GPC5: variants seen among roughly 807,000 people sequenced by gnomAD.
GPC5 encodes glypican 5, also known as glypican-5.
Under a neutral mutation model 53.9 loss-of-function variants are expected in GPC5, and 47 were observed. The ratio of observed to expected loss-of-function variants is 0.87; its 90% CI spans 0.69 to 1.11. The LOEUF (loss-of-function observed/expected upper bound fraction) is 1.11. Ranked by LOEUF, GPC5 falls within the 50% of genes most tolerant of loss-of-function variation. GPC5 has a pLI of 0.00. For synonymous variants in GPC5, 286 were observed against 263.3 expected (o/e 1.09, Z -0.84); for missense variants, 748 against 713.1 (o/e 1.05, Z -0.56).
chr13:91,879,273 A>G, intron 5 of GPC5, among the ~76,000 whole-genome samples: 1 of 152,160 alleles, frequency 6.6e-6, no homozygotes, highest in South Asian at 2.1e-4. Flanking sequence ...CTAAATAGTA[A>G]AAGTGTGCAT....
intron 6 of GPC5, among the ~76,000 whole-genome samples, chr13:92,133,582 C>T (rs1163970996): frequency 6.6e-6 from 1 of 152,062 alleles, no homozygotes; most frequent in East Asian, 1.9e-4. Flanking sequence ...TAAAAGGAGC[C>T]CTTACTTTGG....
chr13:91,694,756 G>T (rs980455140), intron 3 of GPC5, among the ~76,000 whole-genome samples: 2 of 152,120 alleles, frequency 1.3e-5, no homozygotes, highest in Non-Finnish European at 2.9e-5. Context: ...AAATTAACAA[G>T]CATTCTCATA....
intron 7 of GPC5, among the ~76,000 whole-genome samples, chr13:92,795,394 T>C (rs1266274335): frequency 2.0e-5 from 3 of 152,144 alleles, no homozygotes; most frequent in African/African-American, 7.2e-5. Context: ...CAAGATGGAT[T>C]AAAGACTTAA....
At position 92,119,567 on chromosome 13, in the gene GPC5, A is replaced by ATTT. The variant is rs59391576; in HGVS notation, c.1402-25239_1402-25237dup. Among the ~76,000 whole-genome samples, 59 of 70,622 alleles carry ATTT rather than the reference A, an allele frequency of 8.4e-4. 6 individuals carry two copies. The highest frequency in any genetic ancestry group is 0.029 in the Middle Eastern group (2 of 68). 46.3% of individuals were successfully genotyped at this position (70,622 alleles called of 152,430 possible). On this transcript the variant is annotated intron_variant, in intron 6 of 7. Coordinates refer to ENST00000377067, the MANE Select transcript of GPC5 (RefSeq NM_004466.6). ...AGGCGCCCGCCACCTCGCCTGGCTA[A>ATTT]TTTTTTTTTTTTTTTTTTTTTTTTT...
chr13:92,573,854 C>T (rs900350018), intron 7 of GPC5, among the ~76,000 whole-genome samples: 5 of 152,152 alleles, frequency 3.3e-5, no homozygotes, highest in Non-Finnish European at 7.3e-5. Flanking sequence ...TTCATACCTG[C>T]CCAGTTGCAG....
At position 92,867,093 on chromosome 13, in the gene GPC5, G is replaced by C. The variant is rs909404574; in HGVS notation, c.*654G>C. 6 of 151,960 alleles carry C rather than the reference G, an allele frequency of 3.9e-5. No homozygotes were observed. Among genetic ancestry groups the C allele is most frequent in the African/African-American group, 1.4e-4 (6 of 41,384 alleles). 9.4% of individuals were successfully genotyped at this position (151,960 alleles called of 1,614,324 possible). A position where few individuals can be genotyped will look rare whatever the true frequency, so the allele number is the denominator to read the frequency against. On this transcript the variant is annotated 3_prime_UTR_variant, in exon 8 of 8. Coordinates refer to ENST00000377067, the MANE Select transcript of GPC5 (RefSeq NM_004466.6). ...TGAGTATTTTATTAACACCTGATTT[G>C]TATTCCATTATATTCAAAATGCATC...
chr13:92,617,842 T>C (rs916879316), intron 7 of GPC5, among the ~76,000 whole-genome samples: 2 of 152,146 alleles, frequency 1.3e-5, no homozygotes, highest in Non-Finnish European at 2.9e-5. Flanking sequence ...TTTTTTCTTC[T>C]TTTTTTATTA....
intron 5 of GPC5, among the ~76,000 whole-genome samples, chr13:91,852,092 G>C (rs2038920640): frequency 6.6e-6 from 1 of 151,874 alleles, no homozygotes; most frequent in African/African-American, 2.4e-5. Flanking sequence ...TTCCACAATG[G>C]TTGAACTAGT....
At chr13:92,530,976 G>A (rs780506966) in intron 7 of GPC5, among the ~76,000 whole-genome samples, 6 of 152,134 alleles carry the variant, frequency 3.9e-5, no homozygotes, top group East Asian at 1.9e-4. Context: ...CAGTAGTTAC[G>A]TTCCTCTATA....
At chr13:92,644,861 G>A (rs919675879) in intron 7 of GPC5, among the ~76,000 whole-genome samples, 2 of 132,588 alleles carry the variant, frequency 1.5e-5, no homozygotes, top group Non-Finnish European at 3.5e-5. Flanking sequence ...AATGGAGATG[G>A]AAACCCACAG....
intron 6 of GPC5, among the ~76,000 whole-genome samples, chr13:91,997,318 C>T (rs114148273): frequency 1.0e-3 from 158 of 152,268 alleles, no homozygotes; most frequent in African/African-American, 3.5e-3. Flanking sequence ...AGCACTTCCT[C>T]ACAAGTTTAT....
At chr13:91,501,204 C>A (rs1414519938) in intron 2 of GPC5, among the ~76,000 whole-genome samples, 1 of 150,444 alleles carries the variant, frequency 6.6e-6, no homozygotes, top group Non-Finnish European at 1.5e-5. Context: ...TTCGTAACAG[C>A]AACTTCTTGC....
At chr13:91,847,375 A>G (rs1036605902) in intron 5 of GPC5, among the ~76,000 whole-genome samples, 2 of 151,140 alleles carry the variant, frequency 1.3e-5, no homozygotes, top group Non-Finnish European at 3.0e-5. Flanking sequence ...GTGTGTGTGT[A>G]TGTACACATA....
At chr13:91,913,922 G>A (rs1225050760) in intron 6 of GPC5, among the ~76,000 whole-genome samples, 1 of 152,200 alleles carries the variant, frequency 6.6e-6, no homozygotes, top group Non-Finnish European at 1.5e-5. Flanking sequence ...TTTTTCAGAT[G>A]TTTGCGTCAG....
chr13:92,285,930 A>AG lies in GPC5; in HGVS notation c.1561+140941_1561+140942insG, dbSNP rs573864339. 4.1e-3 allele frequency among the ~76,000 whole-genome samples: 628 copies of AG among 152,236 alleles called. 6 individuals are homozygous for AG. The highest frequency in any genetic ancestry group is 0.015 in the African/African-American group (610 of 41,530). ...TAAAGAGCTTCTGCACAGCAAAAAA[A>AG]AACCTACCATCAGAGTGAACAGGCA... On this transcript the variant is annotated intron_variant, in intron 7 of 7. Transcript: ENST00000377067.
intron 7 of GPC5, among the ~76,000 whole-genome samples, chr13:92,579,133 A>G (rs1012788518): frequency 2.6e-5 from 4 of 152,300 alleles, no homozygotes; most frequent in Admixed American, 6.5e-5. Flanking sequence ...TTAAATACAT[A>G]GCAAGAAACA....
intron 5 of GPC5, among the ~76,000 whole-genome samples, chr13:91,882,013 A>G (rs1262821627): frequency 3.3e-5 from 5 of 152,148 alleles, no homozygotes; most frequent in African/African-American, 1.2e-4. Flanking sequence ...GACTTTGAAG[A>G]TGGTTTGCGT....
chr13:92,019,351 G>C (rs2040736801), intron 6 of GPC5, among the ~76,000 whole-genome samples: 1 of 151,942 alleles, frequency 6.6e-6, no homozygotes, highest in Non-Finnish European at 1.5e-5. Context: ...TAATATAGAA[G>C]ACACAGCTTA....
At chr13:92,479,529 G>C (rs1054557010) in intron 7 of GPC5, among the ~76,000 whole-genome samples, 1 of 152,108 alleles carries the variant, frequency 6.6e-6, no homozygotes, top group African/African-American at 2.4e-5. Flanking sequence ...ACTATAGATG[G>C]CTCTAGAAGT....
Sources: gnomAD v4.1 joint callset for allele counts (sites outside exome capture counted in the v4.1 genomes callset) on GRCh38, gnomAD v4.1.1 for gene constraint, MANE v1.5 for transcripts, NCBI Gene and HGNC (gene_info 2026-07-23, HGNC 2026-07-21) for gene names.